The following CDH19 variants were observed in gnomAD, a reference collection of about 807,000 sequenced individuals.
The protein encoded by CDH19 is cadherin 19.
CDH19 carries 67 observed loss-of-function variants against 64.2 expected under a neutral mutation model. The observed-to-expected ratio is 1.04, with a 90% CI of 0.86 to 1.28. CDH19 has a LOEUF of 1.28. CDH19 is among the 50% of genes most tolerant of loss of function. The pLI is 0.00. For synonymous variants in CDH19, 346 were observed against 319.3 expected (o/e 1.08, Z -0.89); for missense variants, 1,030 against 929.0 (o/e 1.11, Z -1.41).
At chr18:66,572,504 A>C (rs1322626958) in intron 1 of CDH19, among the ~76,000 whole-genome samples, 188 bp from the exon 2 acceptor site, 2 of 151,740 alleles carry the variant, frequency 1.3e-5, no homozygotes, top group African/African-American at 2.4e-5. Flanking sequence ...AATAATTATA[A>C]ATTTCCACTC....
chr18:66,589,269 CATAT>C (rs778023388), intron 1 of CDH19, among the ~76,000 whole-genome samples: 1 of 149,032 alleles, frequency 6.7e-6, no homozygotes, highest in Non-Finnish European at 1.5e-5. Context: ...TATATACACA[CATAT>C]ATATATATAT....
chr18:66,529,250 C>T (rs1475613616), intron 9 of CDH19, among the ~76,000 whole-genome samples: 1 of 150,982 alleles, frequency 6.6e-6, no homozygotes, highest in Non-Finnish European at 1.5e-5. Context: ...CAATTAAACG[C>T]TACGAAAAAA....
At chr18:66,540,975 T>G (rs1489674591) in intron 7 of CDH19, among the ~76,000 whole-genome samples, 2 of 152,170 alleles carry the variant, frequency 1.3e-5, no homozygotes, top group East Asian at 3.9e-4. Flanking sequence ...CAAGGCTCCT[T>G]AAAACAATTC....
chr18:66,569,782 T>C (rs914110838), intron 2 of CDH19, among the ~76,000 whole-genome samples: 1 of 151,746 alleles, frequency 6.6e-6, no homozygotes, highest in African/African-American at 2.4e-5. Context: ...TCACCATTTA[T>C]GAAAATGCTC....
chr18:66,527,550 C>A (rs1190224965), intron 9 of CDH19, among the ~76,000 whole-genome samples: 1 of 152,078 alleles, frequency 6.6e-6, no homozygotes, highest in African/African-American at 2.4e-5. Flanking sequence ...AGTTTGAGAG[C>A]AGCCTGCCCA....
At chr18:66,567,537 A>T (rs1237092178) in intron 3 of CDH19, among the ~76,000 whole-genome samples, 1 of 151,944 alleles carries the variant, frequency 6.6e-6, no homozygotes, top group Non-Finnish European at 1.5e-5. Flanking sequence ...GTAGAAATAC[A>T]TCTTTAAATT....
At chr18:66,571,635 C>T (rs560115765) in intron 2 of CDH19, among the ~76,000 whole-genome samples, 32 of 151,580 alleles carry the variant, frequency 2.1e-4, no homozygotes, top group African/African-American at 7.7e-4. Flanking sequence ...TAAAAATGAA[C>T]GAGGGGTAAA....
chr18:66,509,100 C>T lies in CDH19; in HGVS notation c.1723G>A (p.Asp575Asn), dbSNP rs775087702. Residue 575 changes from aspartate to asparagine, a missense_variant, in exon 11 of 12, where the codon GAC (aspartate) becomes AAC (asparagine). Asp to Asn is a conservative substitution (Grantham distance 23). Coordinates refer to ENST00000262150, the MANE Select transcript of CDH19 (RefSeq NM_021153.4). Reference sequence around the variant, plus strand: ...TGGCAGGTCTGTGTGCTCCCACTGTCACCACAGTCACAGACATGGATGGTA... The same window carrying T: ...TGGCAGGTCTGTGTGCTCCCACTGTTACCACAGTCACAGACATGGATGGTA... ...TLTIHVCDCG[D>N]SGSTQTCQYQ... The T allele has an allele frequency of 8.1e-6, 13 of 1,612,852 alleles. No individual in the cohort carries two copies. The highest frequency in any genetic ancestry group is 5.1e-6 in the Non-Finnish European group (6 of 1,179,340).
At chr18:66,593,608 T>C (rs1366469722) in intron 1 of CDH19, among the ~76,000 whole-genome samples, 1 of 152,014 alleles carries the variant, frequency 6.6e-6, no homozygotes, top group Admixed American at 6.6e-5. Flanking sequence ...TGTTAACAGA[T>C]GAACACAAAA....
chr18:66,599,250 T>A (rs957774802), intron 1 of CDH19, among the ~76,000 whole-genome samples: 6 of 152,092 alleles, frequency 3.9e-5, no homozygotes, highest in African/African-American at 1.4e-4. Flanking sequence ...GGGATTTTTT[T>A]TAATTGTCTG....
intron 7 of CDH19, among the ~76,000 whole-genome samples, chr18:66,537,341 G>C (rs1290233686): frequency 1.3e-5 from 2 of 151,904 alleles, no homozygotes; most frequent in East Asian, 3.9e-4. Context: ...ATTTGGGTTT[G>C]TCTGATGCTT....
At chr18:66,536,666 C>T (rs1338867638) in intron 7 of CDH19, among the ~76,000 whole-genome samples, 1 of 151,588 alleles carries the variant, frequency 6.6e-6, no homozygotes, top group Admixed American at 6.6e-5. Flanking sequence ...ATATATGTAG[C>T]CCCTCTAGGA....
At chr18:66,563,535 G>C (rs908131315) in intron 3 of CDH19, among the ~76,000 whole-genome samples, 1 of 151,912 alleles carries the variant, frequency 6.6e-6, no homozygotes, top group South Asian at 2.1e-4. Flanking sequence ...TGTAATTTCT[G>C]CAACAATAAA....
At chr18:66,587,529 C>A (rs1377890743) in intron 1 of CDH19, among the ~76,000 whole-genome samples, 1 of 152,072 alleles carries the variant, frequency 6.6e-6, no homozygotes, top group Non-Finnish European at 1.5e-5. Context: ...CTGTGGTAGA[C>A]ATATAATTGT....
chr18:66,515,279 A>T (rs1433009089), intron 9 of CDH19, among the ~76,000 whole-genome samples: 3 of 151,728 alleles, frequency 2.0e-5, no homozygotes, highest in Non-Finnish European at 4.4e-5. Context: ...TTGCCAAGAA[A>T]TTATTATACA....
At chr18:66,517,357 CA>C (rs1017681856) in intron 9 of CDH19, among the ~76,000 whole-genome samples, 33 of 149,066 alleles carry the variant, frequency 2.2e-4, no homozygotes, top group East Asian at 1.8e-3. Flanking sequence ...ACTTTACCTC[CA>C]AAAAAAAAGA....
intron 9 of CDH19, among the ~76,000 whole-genome samples, chr18:66,514,810 G>T (rs1223000400): frequency 6.6e-6 from 1 of 151,412 alleles, no homozygotes; most frequent in East Asian, 1.9e-4. Context: ...CCAAAAATAA[G>T]CCCAATACTC....
At chr18:66,505,880 A>C (rs1290793623) in intron 11 of CDH19, among the ~76,000 whole-genome samples, 1 of 151,900 alleles carries the variant, frequency 6.6e-6, no homozygotes, top group Admixed American at 6.6e-5. Context: ...TTCTTGTGAA[A>C]GTCATTATAT....
intron 8 of CDH19, chr18:66,532,221 C>T (rs921503388): frequency 6.6e-6 from 1 of 151,916 alleles, no homozygotes; most frequent in Non-Finnish European, 1.5e-5. Flanking sequence ...CCCACCTTGG[C>T]CTCCTAAAGT....
Sources: gnomAD v4.1 joint callset for allele counts (sites outside exome capture counted in the v4.1 genomes callset) on GRCh38, gnomAD v4.1.1 for gene constraint, MANE v1.5 for transcripts, NCBI Gene and HGNC (gene_info 2026-07-23, HGNC 2026-07-21) for gene names.